The following C16orf96 variants were observed in gnomAD, a reference collection of about 807,000 sequenced individuals.
C16orf96 encodes uncharacterized protein C16orf96.
C16orf96 carries 108 observed loss-of-function variants against 103.6 expected under a neutral mutation model. The ratio of observed to expected loss-of-function variants is 1.04; its 90% CI spans 0.89 to 1.22. C16orf96 has a LOEUF of 1.22. Ranked by LOEUF, C16orf96 falls within the 50% of genes most tolerant of loss-of-function variation. The probability of loss-of-function intolerance (pLI) is 0.00; values close to 1 mark genes in which losing one functional copy is unlikely to be tolerated. For missense variants in C16orf96, 1,586 were observed against 1,464.2 expected, an observed-to-expected ratio of 1.08 and a Z score of -1.36; for synonymous variants, 566 against 593.5, an observed-to-expected ratio of 0.95 and a Z score of 0.67.
At chr16:4,582,352 A>G (rs2141736991) in intron 7 of C16orf96, among the ~76,000 whole-genome samples, 1 of 151,948 alleles carries the variant, frequency 6.6e-6, no homozygotes. Flanking sequence ...TGTTTCCGTG[A>G]AGGCTTCCAA....
chr16:4,594,266 C>G, intron 12 of C16orf96, 85 bp from the exon 13 acceptor site: 1 of 1,439,836 alleles, frequency 6.9e-7, no homozygotes, highest in African/African-American at 1.4e-5. Flanking sequence ...GGTCTTCCCT[C>G]GATGCTGGCC....
chr16:4,595,554 T>C lies in C16orf96; in HGVS notation c.3127+751T>C, dbSNP rs1004167709. ...AGAGGAGCCTTCTCTGCACACCCCT[T>C]GAAGGCTCTTCCCCCTTGGGGATGG... On this transcript the variant is annotated intron_variant, in intron 14 of 15. Transcript: ENST00000444310. 2.0e-5 allele frequency among the ~76,000 whole-genome samples: 3 copies of C among 152,202 alleles called. No homozygotes were observed. In the East Asian group the frequency reaches 5.8e-4, roughly 29 times the overall value.
the C16orf96 span, among the ~76,000 whole-genome samples, chr16:4,544,654 C>A: frequency 6.6e-6 from 1 of 152,062 alleles, no homozygotes. Flanking sequence ...TGAGGGTAAA[C>A]CTAATAGCAA....
chr16:4,546,715 CTTAG>C, the C16orf96 span, among the ~76,000 whole-genome samples: 5 of 152,082 alleles, frequency 3.3e-5, no homozygotes, highest in East Asian at 3.9e-4. Context: ...GTCCTCCCAT[CTTAG>C]TTAGCCTCCT....
At chr16:4,546,010 C>T in the C16orf96 span, among the ~76,000 whole-genome samples, 10 of 151,492 alleles carry the variant, frequency 6.6e-5, no homozygotes, top group Admixed American at 4.0e-4. Flanking sequence ...CCACCATGCC[C>T]GGCTAATTTT....
chr16:4,580,310 A>AACCCC (rs2059568338), intron 7 of C16orf96, among the ~76,000 whole-genome samples, 185 bp downstream of exon 7: 1 of 104,500 alleles, frequency 9.6e-6, no homozygotes, highest in African/African-American at 3.2e-5. Flanking sequence ...GAATCCCACC[A>AACCCC]CCCCCCCCCA....
chr16:4,588,084 C>T, intron 8 of C16orf96, 83 bp from the exon 9 acceptor site: 2 of 1,393,918 alleles, frequency 1.4e-6, no homozygotes, highest in Non-Finnish European at 1.9e-6. Flanking sequence ...CTAGAAGCAT[C>T]AGACCCAAGG....
chr16:4,579,935 T>C (rs1376380221), intron 6 of C16orf96, 80 bp from the exon 7 acceptor site: 1 of 1,241,824 alleles, frequency 8.1e-7, no homozygotes, highest in Non-Finnish European at 1.1e-6. Flanking sequence ...CTTCTTGGCC[T>C]CAACCCTCCC....
chr16:4,550,086 A>AT, the C16orf96 span, among the ~76,000 whole-genome samples: 3,380 of 136,994 alleles, frequency 0.025, 116 homozygotes, highest in African/African-American at 0.082. Flanking sequence ...ACAGTGGGTA[A>AT]TTTTTTTTTT....
chr16:4,584,110 G>A (rs1896857436), intron 7 of C16orf96, among the ~76,000 whole-genome samples: 1 of 152,214 alleles, frequency 6.6e-6, no homozygotes, highest in East Asian at 1.9e-4. Flanking sequence ...GCAGTAGCAC[G>A]GTGACAAATG....
chr16:4,551,543 C>G (rs1248144458), upstream of C16orf96, among the ~76,000 whole-genome samples: 1 of 152,146 alleles, frequency 6.6e-6, no homozygotes, highest in Non-Finnish European at 1.5e-5. Context: ...GCTCCGCCTC[C>G]CAGGTTCACG....
intron 1 of C16orf96, among the ~76,000 whole-genome samples, chr16:4,564,314 G>A (rs1220034241): frequency 1.3e-5 from 2 of 152,140 alleles, no homozygotes; most frequent in African/African-American, 2.4e-5. Context: ...GGTTGGATAT[G>A]TGCACGCAGC....
chr16:4,591,391 T>G (rs1183883788), intron 9 of C16orf96, among the ~76,000 whole-genome samples: 1 of 151,944 alleles, frequency 6.6e-6, no homozygotes, highest in Non-Finnish European at 1.5e-5. Flanking sequence ...CAGCTGAGCT[T>G]GGTTTGATTT....
intron 6 of C16orf96, among the ~76,000 whole-genome samples, 184 bp downstream of exon 6, chr16:4,579,209 G>A (rs780578371): frequency 2.6e-5 from 4 of 151,862 alleles, no homozygotes; most frequent in Admixed American, 1.3e-4. Flanking sequence ...TGCGGTGGGG[G>A]GGCCCAGCAG....
chr16:4,600,014 C>G, intron 15 of C16orf96, 86 bp from the exon 16 acceptor site: 5 of 1,310,860 alleles, frequency 3.8e-6, no homozygotes, highest in Non-Finnish European at 4.2e-6. Context: ...GGCTTCTCTT[C>G]TCTTTAGTGG....
intron 7 of C16orf96, among the ~76,000 whole-genome samples, chr16:4,586,255 T>A (rs1896926171): frequency 6.6e-6 from 1 of 152,052 alleles, no homozygotes; most frequent in Non-Finnish European, 1.5e-5. Context: ...GCAGATTCTG[T>A]AAAAAACAAA....
At chr16:4,566,017 G>A (rs1002672176) in intron 1 of C16orf96, among the ~76,000 whole-genome samples, 1 of 152,024 alleles carries the variant, frequency 6.6e-6, no homozygotes, top group Non-Finnish European at 1.5e-5. Context: ...TAATTTTTAA[G>A]TTTTATGTAG....
Position 4,593,381 on chromosome 16 carries a change from C to T in C16orf96, c.2867+65C>T. Reference sequence around the variant, plus strand: ...TGGAGGCCACTCTGGAGCCTGGGAACCCTGTTCCTGCAGAGACACATCCTC... The same window carrying T: ...TGGAGGCCACTCTGGAGCCTGGGAATCCTGTTCCTGCAGAGACACATCCTC... On this transcript the variant is annotated intron_variant, in intron 12 of 15. Transcript: ENST00000444310. The surrounding 1 kb of genome is among the most constrained non-coding windows in gnomAD (Gnocchi z 4.2). The T allele has an allele frequency of 1.4e-6, 2 of 1,434,596 alleles. No individual in the cohort carries two copies. Among genetic ancestry groups the T allele is most frequent in the Non-Finnish European group, 1.9e-6 (2 of 1,049,720 alleles). 88.9% of individuals were successfully genotyped at this position (1,434,596 alleles called of 1,614,324 possible). A position where few individuals can be genotyped will look rare whatever the true frequency, so the allele number is the denominator to read the frequency against.
chr16:4,576,007 C>G lies in C16orf96; in HGVS notation c.1527C>G (p.Pro509=), dbSNP rs2059502190. The change falls in exon 5 of 16, where the codon CCC becomes CCG. Residue 509 remains proline (P), a synonymous_variant. Coordinates refer to ENST00000444310, the MANE Select transcript of C16orf96 (RefSeq NM_001145011.2). ...PKDRAHKDDV[P]KDRGGKDVDP... ...ATAGAGCTCACAAGGATGATGTCCC[C>G]AAAGATAGAGGTGGCAAGGATGTGG... The G allele has an allele frequency of 6.4e-7, 1 of 1,551,078 alleles. No homozygotes were observed.
Sources: allele counts gnomAD v4.1 joint callset (sites outside exome capture counted in the v4.1 genomes callset), GRCh38; gene constraint gnomAD v4.1.1; non-coding constraint Gnocchi (gnomAD v3.1); transcripts MANE v1.5; gene names NCBI Gene and HGNC (gene_info 2026-07-23, HGNC 2026-07-21).